Variants in RSRC1 observed in about 807,000 individuals in gnomAD.
The protein encoded by RSRC1 is serine/Arginine-related protein 53.
In RSRC1, 39 loss-of-function variants were observed where a neutral mutation model predicts 49.1. That is an observed-to-expected ratio of 0.79 (90% confidence interval 0.61 to 1.04). The LOEUF (loss-of-function observed/expected upper bound fraction) is 1.04, where lower values mean the gene tolerates loss of function less well. Ranked by LOEUF, RSRC1 falls within the 50% of genes least tolerant of loss-of-function variation. RSRC1 has a pLI of 0.00. For synonymous variants in RSRC1, 143 were observed against 130.8 expected (o/e 1.09, Z -0.63); for missense variants, 388 against 402.4 (o/e 0.96, Z 0.31).
At chr3:158,364,626 G>T (rs1239456091) in intron 6 of RSRC1, among the ~76,000 whole-genome samples, 1 of 151,910 alleles carries the variant, frequency 6.6e-6, no homozygotes, top group Non-Finnish European at 1.5e-5. Flanking sequence ...AAAACACTTA[G>T]AGCAGTACCT....
At chr3:158,274,873 C>G (rs954706691) in intron 4 of RSRC1, among the ~76,000 whole-genome samples, 12 of 152,130 alleles carry the variant, frequency 7.9e-5, no homozygotes, top group African/African-American at 2.9e-4. Context: ...ATGACTTTTT[C>G]TGTAGCCTAT....
chr3:158,132,240 C>A (rs564211257), intron 3 of RSRC1: 24 of 359,670 alleles, frequency 6.7e-5, no homozygotes, highest in Non-Finnish European at 1.4e-4. Context: ...CCTGCCTTGG[C>A]CTCACTAAGT....
chr3:158,181,955 A>T (rs550931611), intron 3 of RSRC1, among the ~76,000 whole-genome samples: 6 of 152,260 alleles, frequency 3.9e-5, no homozygotes, highest in African/African-American at 1.4e-4. Flanking sequence ...CAGAGCTTAC[A>T]TTCTAACAAG....
At chr3:158,297,533 T>C (rs1408425837) in intron 4 of RSRC1, among the ~76,000 whole-genome samples, 2 of 152,002 alleles carry the variant, frequency 1.3e-5, no homozygotes, top group Non-Finnish European at 2.9e-5. Context: ...GATTTAGTTA[T>C]TTAGCTGTGT....
chr3:158,458,008 A>G (rs1336522423), intron 6 of RSRC1, among the ~76,000 whole-genome samples: 1 of 152,172 alleles, frequency 6.6e-6, no homozygotes, highest in East Asian at 1.9e-4. Context: ...AATATGTTCT[A>G]AAGTGCAAAT....
At chr3:158,263,333 G>A (rs1161253725) in intron 4 of RSRC1, among the ~76,000 whole-genome samples, 1 of 151,986 alleles carries the variant, frequency 6.6e-6, no homozygotes, top group Non-Finnish European at 1.5e-5. Context: ...CATTGATTGA[G>A]TTTTGAATGT....
chr3:158,168,086 T>C (rs886289480), intron 3 of RSRC1, among the ~76,000 whole-genome samples: 1 of 152,190 alleles, frequency 6.6e-6, no homozygotes, highest in East Asian at 1.9e-4. Context: ...TAAAATTTTA[T>C]TGAAACACAG....
intron 6 of RSRC1, among the ~76,000 whole-genome samples, chr3:158,366,819 A>G (rs1023978182): frequency 2.6e-5 from 4 of 151,900 alleles, no homozygotes; most frequent in Admixed American, 2.0e-4. Flanking sequence ...GTCCTCTCTT[A>G]TTTCCTCGAG....
intron 6 of RSRC1, among the ~76,000 whole-genome samples, chr3:158,393,705 A>G (rs116319557): frequency 6.6e-6 from 1 of 152,244 alleles, no homozygotes; most frequent in African/African-American, 2.4e-5. Flanking sequence ...CCAGGAGCAG[A>G]CAGATTCACA....
intron 3 of RSRC1, among the ~76,000 whole-genome samples, chr3:158,172,928 C>T (rs928508175): frequency 1.7e-4 from 26 of 151,972 alleles, no homozygotes; most frequent in African/African-American, 6.3e-4. Flanking sequence ...AGAAACTAGA[C>T]TTCTTTTTTA....
intron 7 of RSRC1, chr3:158,496,781 T>C (rs1425008689): frequency 3.9e-5 from 10 of 255,150 alleles, no homozygotes; most frequent in Non-Finnish European, 8.3e-5. Flanking sequence ...CTAAGTAAGG[T>C]TGATGACCGT....
At chr3:158,333,834 A>ATTCCCT (rs1729699949) in intron 5 of RSRC1, among the ~76,000 whole-genome samples, 1 of 152,234 alleles carries the variant, frequency 6.6e-6, no homozygotes, top group Non-Finnish European at 1.5e-5. Context: ...GGAGAACACC[A>ATTCCCT]TTCCCTTTCC....
intron 6 of RSRC1, among the ~76,000 whole-genome samples, chr3:158,378,092 C>G (rs958797171): frequency 3.3e-5 from 5 of 152,142 alleles, no homozygotes; most frequent in Admixed American, 1.3e-4. Flanking sequence ...TTCATGGTCA[C>G]TGATCCTGCC....
At chr3:158,226,829 T>G (rs931721668) in intron 4 of RSRC1, among the ~76,000 whole-genome samples, 1 of 151,972 alleles carries the variant, frequency 6.6e-6, no homozygotes, top group Non-Finnish European at 1.5e-5. Context: ...TTGTAGTTTG[T>G]GCATACTGGA....
intron 7 of RSRC1, among the ~76,000 whole-genome samples, chr3:158,465,508 G>A (rs1737840045): frequency 6.6e-6 from 1 of 152,176 alleles, no homozygotes; most frequent in South Asian, 2.1e-4. Context: ...GTTGAAAGGA[G>A]AAGTTAGCAG....
At chr3:158,400,855 G>C (rs1029430169) in intron 6 of RSRC1, among the ~76,000 whole-genome samples, 15 of 151,900 alleles carry the variant, frequency 9.9e-5, no homozygotes, top group African/African-American at 3.6e-4. Context: ...AATGCCCTAG[G>C]CCTTCACATT....
intron 4 of RSRC1, among the ~76,000 whole-genome samples, chr3:158,266,847 T>G (rs1725213543): frequency 6.6e-6 from 1 of 152,150 alleles, no homozygotes; most frequent in South Asian, 2.1e-4. Context: ...ATCTGCAGCC[T>G]CCGCCTCCTG....
chr3:158,461,288 T>G (rs1737598144), intron 7 of RSRC1, among the ~76,000 whole-genome samples: 1 of 151,854 alleles, frequency 6.6e-6, no homozygotes, highest in Non-Finnish European at 1.5e-5. Flanking sequence ...AGTTAAAAAA[T>G]TATCAAAATC....
intron 3 of RSRC1, among the ~76,000 whole-genome samples, chr3:158,180,409 T>G (rs1221743882): frequency 1.8e-4 from 16 of 89,574 alleles, no homozygotes; most frequent in African/African-American, 7.3e-4. Flanking sequence ...TTTTTTTTTT[T>G]TTTTTTTGCC....
Sources: allele counts gnomAD v4.1 joint callset (sites outside exome capture counted in the v4.1 genomes callset), GRCh38; gene constraint gnomAD v4.1.1; transcripts MANE v1.5; gene names NCBI Gene and HGNC (gene_info 2026-07-23, HGNC 2026-07-21).